Variants in SYCP2L observed in about 807,000 individuals in gnomAD.
SYCP2L encodes the protein synaptonemal complex protein 2 like.
A neutral mutation model predicts 125.8 loss-of-function variants in SYCP2L; 98 were observed. The ratio of observed to expected loss-of-function variants is 0.78; its 90% confidence interval spans 0.66 to 0.92. SYCP2L has a LOEUF of 0.92. SYCP2L is among the 40% of genes least tolerant of loss of function. The probability of loss-of-function intolerance (pLI) is 0.00; values close to 1 mark genes in which losing one functional copy is unlikely to be tolerated. For missense variants in SYCP2L, 842 were observed against 936.4 expected (o/e 0.90, Z 1.32); for synonymous variants, 317 against 325.4 (o/e 0.97, Z 0.28).
chr6:10,900,815 C>T (rs1309970680), intron 6 of SYCP2L, among the ~76,000 whole-genome samples: 5 of 152,302 alleles, frequency 3.3e-5, no homozygotes, highest in African/African-American at 7.2e-5. Flanking sequence ...TCTATAGCAA[C>T]GACAGTTTGT....
At chr6:10,947,545 T>C (rs949690752) in intron 23 of SYCP2L, among the ~76,000 whole-genome samples, 2 of 152,090 alleles carry the variant, frequency 1.3e-5, no homozygotes, top group African/African-American at 4.8e-5. Flanking sequence ...ACTATTGTTT[T>C]AAAATTTGTT....
intron 21 of SYCP2L, among the ~76,000 whole-genome samples, chr6:10,939,004 C>T (rs968028879): frequency 6.6e-6 from 1 of 152,020 alleles, no homozygotes; most frequent in African/African-American, 2.4e-5. Context: ...CCTGTAGTCC[C>T]AGCTACTCAG....
intron 12 of SYCP2L, among the ~76,000 whole-genome samples, chr6:10,911,894 C>CTTTTTTTTTTTTTTTTTTTT (rs58800098): frequency 1.8e-4 from 9 of 50,024 alleles, no homozygotes; most frequent in African/African-American, 4.2e-4. Flanking sequence ...GGAATAAAAG[C>CTTTTTTTTTTTTTTTTTTTT]TTTTTTTTTT....
At chr6:10,956,324 C>T in intron 25 of SYCP2L, 82 bp downstream of exon 25, 1 of 999,258 alleles carries the variant, frequency 1.0e-6, no homozygotes, top group Admixed American at 2.2e-5. Flanking sequence ...CAGACAGTAC[C>T]ACATGGTCTC....
At chr6:10,913,097 T>C (rs1348495172) in intron 14 of SYCP2L, among the ~76,000 whole-genome samples, 170 bp downstream of exon 14, 2 of 152,222 alleles carry the variant, frequency 1.3e-5, no homozygotes, top group Non-Finnish European at 2.9e-5. Context: ...TTCTATGCTT[T>C]GTGACCTTGG....
Position 10,927,840 on chromosome 6 carries a change from A to C in SYCP2L, c.1440+473A>C, listed in dbSNP as rs112686591. Among the ~76,000 whole-genome samples, 639 of 152,256 alleles carry C rather than the reference A, an allele frequency of 4.2e-3. 4 individuals are homozygous for C. Among genetic ancestry groups the C allele is most frequent in the African/African-American group, 0.014 (602 of 41,548 alleles). On this transcript the variant is annotated intron_variant, in intron 17 of 29. Transcript: ENST00000283141. ...TTATCCCTACAGTCTCGACCATAGA[A>C]GATGGTCACACCCAAGGGGGCCATT...
At chr6:10,921,862 C>T (rs1361673805) in intron 14 of SYCP2L, among the ~76,000 whole-genome samples, 4 of 152,000 alleles carry the variant, frequency 2.6e-5, no homozygotes, top group African/African-American at 7.2e-5. Flanking sequence ...CCCGCCACCA[C>T]ACCTGGCTAA....
rs17581350 is a variant in SYCP2L, at chr6:10,887,094, G to C, written c.-33G>C. The C allele has an allele frequency of 2.5e-6, 4 of 1,614,042 alleles. No homozygotes were observed. In the East Asian group the frequency reaches 6.7e-5, roughly 27 times the overall value. ...CCGACCGAGCGCAACAAAGCTGAGCGGCGCGTCGCTTCAGGAACGAAGAAG... is the reference window on the plus strand; with the variant it reads ...CCGACCGAGCGCAACAAAGCTGAGCCGCGCGTCGCTTCAGGAACGAAGAAG... On this transcript the variant is annotated 5_prime_UTR_variant, in exon 1 of 30. Transcript: ENST00000283141.
intron 6 of SYCP2L, 90 bp from the exon 7 acceptor site, chr6:10,902,587 A>G: frequency 9.3e-7 from 1 of 1,072,076 alleles, no homozygotes; most frequent in South Asian, 1.5e-5. Flanking sequence ...AGCCAGAACG[A>G]CATCCTTAGT....
At chr6:10,942,841 G>A in intron 23 of SYCP2L, 95 bp downstream of exon 23, 1 of 1,145,528 alleles carries the variant, frequency 8.7e-7, no homozygotes, top group Non-Finnish European at 1.2e-6. Context: ...TGCAGATCAA[G>A]TCACTTTGCA....
rs1561689188 is a variant in SYCP2L, at chr6:10,924,503, G to A, written c.1080G>A (p.Glu360=). 6.4e-7 allele frequency: 1 copy of A among 1,569,070 alleles called. No individual in the cohort carries two copies. Among genetic ancestry groups the A allele is most frequent in the Admixed American group, 2.1e-5 (1 of 47,948 alleles). Reference sequence around the variant, plus strand: ...TTCCATATTTTCTCTTAGAAACGGAGAAGATAAAGATATTTATCATTTACC... The same window carrying A: ...TTCCATATTTTCTCTTAGAAACGGAAAAGATAAAGATATTTATCATTTACC... ...AVMNFSITET[E]KIKIFIIYLK... Residue 360 remains glutamate (E), a synonymous_variant, in exon 15 of 30, where the codon GAG becomes GAA. Coordinates refer to ENST00000283141, the MANE Select transcript of SYCP2L (RefSeq NM_001040274.3).
chr6:10,965,277 G>C (rs1454712600), intron 29 of SYCP2L, among the ~76,000 whole-genome samples: 1 of 152,090 alleles, frequency 6.6e-6, no homozygotes, highest in Non-Finnish European at 1.5e-5. Flanking sequence ...GATATATTTT[G>C]GAGCTGGAGT....
At chr6:10,969,913 A>G (rs1456054228) in intron 29 of SYCP2L, among the ~76,000 whole-genome samples, 1 of 152,158 alleles carries the variant, frequency 6.6e-6, no homozygotes, top group Non-Finnish European at 1.5e-5. Context: ...ATGAAATGTT[A>G]TATGAGTATG....
intron 28 of SYCP2L, 40 bp from the exon 29 acceptor site, chr6:10,963,742 C>G: frequency 6.2e-7 from 1 of 1,604,084 alleles, no homozygotes; most frequent in South Asian, 1.1e-5. Context: ...TTTAAATTGT[C>G]TAATGTGAAT....
At chr6:10,905,375 C>T (rs1482261379) in intron 8 of SYCP2L, among the ~76,000 whole-genome samples, 1 of 151,780 alleles carries the variant, frequency 6.6e-6, no homozygotes, top group Non-Finnish European at 1.5e-5. Flanking sequence ...TCACTGCAAC[C>T]TCCGCCTCCC....
chr6:10,924,706 T>C (rs1780867853), intron 15 of SYCP2L, 65 bp downstream of exon 15: 3 of 1,334,326 alleles, frequency 2.2e-6, no homozygotes, highest in Non-Finnish European at 2.9e-6. Flanking sequence ...CTATTAAATG[T>C]CCTTGTTGGG....
chr6:10,913,650 T>G (rs1258368270), intron 14 of SYCP2L, among the ~76,000 whole-genome samples: 4 of 152,294 alleles, frequency 2.6e-5, no homozygotes, highest in South Asian at 4.1e-4. Flanking sequence ...TGTGAAGGTT[T>G]TCTCCACTCT....
chr6:10,901,053 G>A (rs865795405), intron 6 of SYCP2L, among the ~76,000 whole-genome samples: 3 of 152,064 alleles, frequency 2.0e-5, no homozygotes, highest in Admixed American at 6.5e-5. Context: ...TGAAACTTAC[G>A]TCTTCTTACT....
intron 1 of SYCP2L, 68 bp downstream of exon 1, chr6:10,887,203 C>G: frequency 5.6e-6 from 9 of 1,605,748 alleles, no homozygotes; most frequent in Non-Finnish European, 7.7e-6. Context: ...CGCGGGGTCC[C>G]TGGGGCTCAG....
Sources: allele counts gnomAD v4.1 joint callset (sites outside exome capture counted in the v4.1 genomes callset), GRCh38; gene constraint gnomAD v4.1.1; transcripts MANE v1.5; gene names NCBI Gene and HGNC (gene_info 2026-07-23, HGNC 2026-07-21).